The following MYO5A variants were observed in gnomAD, a reference collection of about 807,000 sequenced individuals.
MYO5A encodes myosin VA, also known as unconventional myosin-Va.
In MYO5A, 98 loss-of-function variants were observed where a neutral mutation model predicts 249.7. That is an observed-to-expected ratio of 0.39 (90% CI 0.33 to 0.46). MYO5A has a LOEUF of 0.46. Ranked by LOEUF, MYO5A falls within the 20% of genes least tolerant of loss-of-function variation. MYO5A has a pLI of 0.98. For synonymous variants in MYO5A, 778 were observed against 810.6 expected, an observed-to-expected ratio of 0.96 and a Z score of 0.68; for missense variants, 1,696 against 2,308.8, an observed-to-expected ratio of 0.73 and a Z score of 5.44.
intron 16 of MYO5A, among the ~76,000 whole-genome samples, chr15:52,380,824 C>A (rs1035962199): frequency 1.3e-5 from 2 of 152,200 alleles, no homozygotes; most frequent in African/African-American, 4.8e-5. Context: ...CATTTCATGG[C>A]ATGGCCTGAC....
chr15:52,394,304 T>C (rs1356035893), intron 11 of MYO5A, among the ~76,000 whole-genome samples: 1 of 152,200 alleles, frequency 6.6e-6, no homozygotes. Context: ...ACAGTGTTAA[T>C]CAGATTCTCT....
intron 1 of MYO5A, among the ~76,000 whole-genome samples, chr15:52,450,981 C>T (rs1030073834): frequency 1.4e-5 from 1 of 72,840 alleles, no homozygotes; most frequent in African/African-American, 5.4e-5. Flanking sequence ...CACCCACTCT[C>T]AGGAGTTTAA....
chr15:52,459,943 C>T (rs1595723490), intron 1 of MYO5A, among the ~76,000 whole-genome samples: 1 of 149,870 alleles, frequency 6.7e-6, no homozygotes, highest in African/African-American at 2.5e-5. Context: ...GGCGGCCGGT[C>T]AGAGACGCTC....
chr15:52,348,681 G>C, intron 29 of MYO5A, 137 bp downstream of exon 29: 1 of 790,244 alleles, frequency 1.3e-6, no homozygotes, highest in South Asian at 1.9e-5. Flanking sequence ...GAGTCAAATC[G>C]GAAATTCACT....
intron 1 of MYO5A, among the ~76,000 whole-genome samples, chr15:52,507,821 A>AAAAAAAAAAAT (rs2077306279): frequency 6.6e-6 from 1 of 151,410 alleles, no homozygotes; most frequent in African/African-American, 2.4e-5. Flanking sequence ...AAAAAAAAAA[A>AAAAAAAAAAAT]GTGTAATAAC....
chr15:52,384,908 T>C (rs2141139892), intron 14 of MYO5A, among the ~76,000 whole-genome samples: 1 of 152,334 alleles, frequency 6.6e-6, no homozygotes, highest in Middle Eastern at 3.4e-3. Flanking sequence ...TGGAAGATAA[T>C]TCGGGTTACA....
chr15:52,342,086 C>T (rs903931771), intron 31 of MYO5A, among the ~76,000 whole-genome samples: 3 of 152,186 alleles, frequency 2.0e-5, no homozygotes, highest in African/African-American at 7.2e-5. Context: ...AGGCTGGGCG[C>T]AGTACCTCAA....
intron 4 of MYO5A, among the ~76,000 whole-genome samples, chr15:52,417,773 C>T (rs11858031): frequency 0.15 from 22,448 of 152,194 alleles, 1,782 homozygotes; most frequent in Middle Eastern, 0.22. Flanking sequence ...TGCCCTCCTA[C>T]TACTGAATGA....
At chr15:52,363,988 C>A (rs1274795309) in intron 24 of MYO5A, among the ~76,000 whole-genome samples, 4 of 152,136 alleles carry the variant, frequency 2.6e-5, no homozygotes, top group Non-Finnish European at 5.9e-5. Context: ...CCTGTAATCC[C>A]AGCACTTTGG....
At chr15:52,405,049 TGTCA>T (rs766697753) in intron 9 of MYO5A, among the ~76,000 whole-genome samples, 11,131 of 100,808 alleles carry the variant, frequency 0.11, 517 homozygotes, top group Middle Eastern at 0.17. Context: ...TCTCTCTCTC[TGTCA>T]CACACACACA....
At chr15:52,338,406 T>G (rs543980169) in intron 32 of MYO5A, among the ~76,000 whole-genome samples, 1 of 151,988 alleles carries the variant, frequency 6.6e-6, no homozygotes, top group Admixed American at 6.6e-5. Context: ...CTAGATGAGG[T>G]AGAAAAATCA....
chr15:52,366,374 T>C (rs185132158), intron 23 of MYO5A, among the ~76,000 whole-genome samples: 10 of 152,116 alleles, frequency 6.6e-5, no homozygotes, highest in Admixed American at 6.5e-4. Flanking sequence ...AATGTATTAT[T>C]TTCATATAAT....
chr15:52,332,932 T>C (rs562954526), intron 34 of MYO5A, among the ~76,000 whole-genome samples: 117 of 152,332 alleles, frequency 7.7e-4, no homozygotes, highest in African/African-American at 2.8e-3. Context: ...GCCACTGCAC[T>C]GCAGCCTGAG....
intron 1 of MYO5A, among the ~76,000 whole-genome samples, chr15:52,509,088 C>T (rs1265661350): frequency 6.6e-6 from 1 of 152,022 alleles, no homozygotes; most frequent in Non-Finnish European, 1.5e-5. Flanking sequence ...CTTCCTACCT[C>T]AGCCTCCTGA....
chr15:52,340,952 CAA>C (rs71676013), intron 31 of MYO5A, among the ~76,000 whole-genome samples: 2 of 77,944 alleles, frequency 2.6e-5, no homozygotes, highest in African/African-American at 3.6e-5. Context: ...AACTTCGTCT[CAA>C]AAAAAAAAAA....
intron 1 of MYO5A, among the ~76,000 whole-genome samples, chr15:52,503,789 G>A (rs2077205069): frequency 6.6e-6 from 1 of 152,090 alleles, no homozygotes; most frequent in Non-Finnish European, 1.5e-5. Flanking sequence ...TTTTCCACAA[G>A]GGTCCTATGT....
At chr15:52,409,265 T>C (rs2141231113) in intron 6 of MYO5A, among the ~76,000 whole-genome samples, 1 of 152,194 alleles carries the variant, frequency 6.6e-6, no homozygotes, top group East Asian at 1.9e-4. Context: ...ATCAAACCTC[T>C]ACTATTTGAA....
At chr15:52,459,391 C>T (rs1366537258) in intron 1 of MYO5A, among the ~76,000 whole-genome samples, 2 of 151,882 alleles carry the variant, frequency 1.3e-5, no homozygotes, top group South Asian at 2.1e-4. Flanking sequence ...ATGCTGCCTT[C>T]AAGCATCTGT....
chr15:52,355,532 C>T lies in MYO5A; in HGVS notation c.3424-1518G>A, dbSNP rs115843639. On this transcript the variant is annotated intron_variant, in intron 25 of 41. Coordinates refer to ENST00000399233, the MANE Select transcript of MYO5A (RefSeq NM_001382347.1). ...TGGCTCTGCAGATAGACCTGTGCTG[C>T]GCAACTTGGCTTTTTATTACAAATA... Among the ~76,000 whole-genome samples the T allele has an allele frequency of 6.2e-3, 937 of 152,232 alleles. 11 individuals are homozygous for T. The highest frequency in any genetic ancestry group is 0.022 in the African/African-American group (901 of 41,540).
Sources: allele counts gnomAD v4.1 joint callset (sites outside exome capture counted in the v4.1 genomes callset), GRCh38; gene constraint gnomAD v4.1.1; transcripts MANE v1.5; gene names NCBI Gene and HGNC (gene_info 2026-07-23, HGNC 2026-07-21).